Variants in NFIA observed in about 807,000 individuals in gnomAD.
NFIA encodes the protein nuclear factor I A.
A neutral mutation model predicts 62.8 loss-of-function variants in NFIA; 8 were observed. The observed-to-expected ratio is 0.13, with a 90% CI of 0.07 to 0.23. NFIA has a LOEUF of 0.23. NFIA is among the 10% of genes least tolerant of loss of function. The pLI, the probability that NFIA is intolerant of heterozygous loss-of-function variation, is 1.00. For missense variants in NFIA, 410 were observed against 642.1 expected (o/e 0.64, Z 3.91); for synonymous variants, 235 against 238.1 (o/e 0.99, Z 0.12).
At chr1:61,362,696 A>C (rs1467931874) in intron 6 of NFIA, among the ~76,000 whole-genome samples, 1 of 152,244 alleles carries the variant, frequency 6.6e-6, no homozygotes, top group Admixed American at 6.5e-5. Context: ...GAGATTAAAG[A>C]TGATGTTAGT....
intron 2 of NFIA, among the ~76,000 whole-genome samples, chr1:61,126,748 A>G (rs1646978306): frequency 6.7e-6 from 1 of 148,810 alleles, no homozygotes. Flanking sequence ...ATTTTTCTGG[A>G]AAAATGGTCA....
intron 3 of NFIA, among the ~76,000 whole-genome samples, chr1:61,316,703 A>C (rs4439379): frequency 0.26 from 40,160 of 152,146 alleles, 5,642 homozygotes; most frequent in Middle Eastern, 0.31. Context: ...GTCAAAGGTT[A>C]TGTTCCCTAA....
intron 2 of NFIA, among the ~76,000 whole-genome samples, chr1:61,143,931 A>C (rs1182953714): frequency 2.6e-5 from 4 of 152,256 alleles, no homozygotes; most frequent in Admixed American, 6.5e-5. Flanking sequence ...TTAAGCCCTT[A>C]ATCATGAAAT....
intron 2 of NFIA, among the ~76,000 whole-genome samples, chr1:61,232,800 T>C (rs1223106317): frequency 1.3e-5 from 2 of 152,142 alleles, no homozygotes; most frequent in African/African-American, 2.4e-5. Flanking sequence ...GTTTTTTTCT[T>C]TTTTGAAACC....
intron 10 of NFIA, among the ~76,000 whole-genome samples, chr1:61,442,526 G>A (rs1326586617): frequency 1.3e-5 from 2 of 151,240 alleles, no homozygotes; most frequent in South Asian, 4.2e-4. Flanking sequence ...ACCATTTTAA[G>A]TTTCAAATTT....
intron 2 of NFIA, among the ~76,000 whole-genome samples, chr1:61,204,265 T>C (rs1652745384): frequency 6.6e-6 from 1 of 152,188 alleles, no homozygotes; most frequent in South Asian, 2.1e-4. Flanking sequence ...GAATTAAACT[T>C]GGGTTTTGAT....
At position 61,109,312 on chromosome 1, in the gene NFIA, C is replaced by A. The variant is rs900121043; in HGVS notation, c.559+20632C>A. 3.3e-5 allele frequency among the ~76,000 whole-genome samples: 5 copies of A among 151,898 alleles called. No individual in the cohort carries two copies. In the South Asian group the frequency reaches 1.0e-3, roughly 32 times the overall value. ...TAATGTACGAGAAGTCCTTTTCCCC[C>A]CTCCATCTCTACAGATGGCAAATGG... On this transcript the variant is annotated intron_variant, in intron 2 of 10. Transcript: ENST00000403491.
intron 3 of NFIA, among the ~76,000 whole-genome samples, chr1:61,288,153 C>T (rs1321702057): frequency 3.3e-5 from 5 of 152,118 alleles, no homozygotes; most frequent in Non-Finnish European, 5.9e-5. Flanking sequence ...TAAGCCACTG[C>T]GACACTGTGT....
chr1:61,398,195 C>G (rs992151295), intron 7 of NFIA, among the ~76,000 whole-genome samples: 1 of 152,180 alleles, frequency 6.6e-6, no homozygotes, highest in African/African-American at 2.4e-5. Context: ...ACTGTAGCAG[C>G]GGAGTTCAGC....
chr1:61,253,966 A>G (rs1443750476), intron 2 of NFIA, among the ~76,000 whole-genome samples: 1 of 151,534 alleles, frequency 6.6e-6, no homozygotes, highest in Non-Finnish European at 1.5e-5. Flanking sequence ...TTCTATTTGG[A>G]TTTCTTCTAT....
chr1:61,427,421 G>A (rs529396701), intron 10 of NFIA, among the ~76,000 whole-genome samples: 1 of 152,214 alleles, frequency 6.6e-6, no homozygotes, highest in South Asian at 2.1e-4. Context: ...ATTAACATAA[G>A]GAAAGTATTT....
chr1:61,449,335 C>T (rs1253338367), intron 10 of NFIA, among the ~76,000 whole-genome samples: 1 of 152,226 alleles, frequency 6.6e-6, no homozygotes, highest in Non-Finnish European at 1.5e-5. Context: ...ACCTCGGATA[C>T]AGCTTGTTCT....
chr1:61,140,495 A>G (rs384893), intron 2 of NFIA, among the ~76,000 whole-genome samples: 118,992 of 152,002 alleles, frequency 0.78, 47,324 homozygotes, highest in Middle Eastern at 0.87. Flanking sequence ...TCCAAAACTA[A>G]TGAGAAATTA....
intron 10 of NFIA, among the ~76,000 whole-genome samples, chr1:61,430,422 CAG>C (rs1286770356): frequency 6.6e-6 from 1 of 152,096 alleles, no homozygotes; most frequent in Non-Finnish European, 1.5e-5. Context: ...TAAATCCATC[CAG>C]AGTGTTTCTG....
At chr1:61,363,188 C>G (rs1189956536) in intron 6 of NFIA, among the ~76,000 whole-genome samples, 1 of 152,200 alleles carries the variant, frequency 6.6e-6, no homozygotes, top group African/African-American at 2.4e-5. Context: ...GATCCAAAAT[C>G]CATATTTGAA....
At chr1:61,260,380 G>A (rs1301266284) in intron 2 of NFIA, among the ~76,000 whole-genome samples, 1 of 152,194 alleles carries the variant, frequency 6.6e-6, no homozygotes, top group African/African-American at 2.4e-5. Flanking sequence ...GAATTCATCA[G>A]CGGATGAATG....
intron 2 of NFIA, among the ~76,000 whole-genome samples, chr1:61,245,503 AT>A (rs1380029577): frequency 6.6e-6 from 1 of 152,146 alleles, no homozygotes; most frequent in Admixed American, 6.5e-5. Flanking sequence ...TCTATTAATA[AT>A]TGATTATTAT....
chr1:61,082,005 G>T (rs1557549915), upstream of NFIA: 1 of 1,550,140 alleles, frequency 6.5e-7, no homozygotes, highest in Non-Finnish European at 8.7e-7. Context: ...TGGCCCGGGG[G>T]GTGCGGGGCA....
chr1:61,355,797 C>G (rs538571649), intron 5 of NFIA, among the ~76,000 whole-genome samples: 1 of 152,168 alleles, frequency 6.6e-6, no homozygotes, highest in East Asian at 1.9e-4. Flanking sequence ...ATGTTGCCCA[C>G]GGTGGTCTCT....
Sources: gnomAD v4.1 joint callset for allele counts (sites outside exome capture counted in the v4.1 genomes callset) on GRCh38, gnomAD v4.1.1 for gene constraint, MANE v1.5 for transcripts, NCBI Gene and HGNC (gene_info 2026-07-23, HGNC 2026-07-21) for gene names.